LRRC7: variants seen among roughly 807,000 people sequenced by gnomAD.
LRRC7 encodes leucine rich repeat containing 7, also known as leucine-rich repeat-containing protein 7.
In LRRC7, 23 loss-of-function variants were observed where a neutral mutation model predicts 175.7. That is an observed-to-expected ratio of 0.13 (90% CI 0.09 to 0.19). LRRC7 has a LOEUF of 0.19. Among genes scored for constraint, LRRC7 ranks in the 10% least tolerant of loss-of-function variants. LRRC7 has a pLI of 1.00. For synonymous variants in LRRC7, 685 were observed against 680.9 expected, an observed-to-expected ratio of 1.01 and a Z score of -0.09; for missense variants, 1,354 against 1,904.7, an observed-to-expected ratio of 0.71 and a Z score of 5.38.
chr1:69,749,725 G>A (rs1306008306), intron 2 of LRRC7, among the ~76,000 whole-genome samples: 2 of 152,088 alleles, frequency 1.3e-5, no homozygotes, highest in African/African-American at 4.8e-5. Flanking sequence ...ATTCAGTTTT[G>A]GGAGTAGTGT....
rs1199968468 is a variant in LRRC7 at position 69,568,482 on chromosome 1, A to G, written c.-158A>G. The G allele has an allele frequency of 3.7e-5, 18 of 485,964 alleles. No individual in the cohort carries two copies. Among genetic ancestry groups the G allele is most frequent in the Non-Finnish European group, 5.1e-5 (15 of 293,994 alleles). 30.1% of individuals were successfully genotyped at this position (485,964 alleles called of 1,614,324 possible). A position where few individuals can be genotyped will look rare whatever the true frequency, so the allele number is the denominator to read the frequency against. On this transcript the variant is annotated 5_prime_UTR_variant, in exon 1 of 27. Coordinates refer to ENST00000651989, the MANE Select transcript of LRRC7 (RefSeq NM_001370785.2). ...GTGGCACCTTCCTGGATTCCCCTCTATCTCCTGTTCTTCCTACCTTCTACT... is the reference window on the plus strand; with the variant it reads ...GTGGCACCTTCCTGGATTCCCCTCTGTCTCCTGTTCTTCCTACCTTCTACT...
intron 8 of LRRC7, among the ~76,000 whole-genome samples, chr1:69,972,164 A>C (rs2101869497): frequency 6.6e-6 from 1 of 152,384 alleles, no homozygotes; most frequent in African/African-American, 2.4e-5. Flanking sequence ...GGAAACTACA[A>C]AAATTCTAGA....
At chr1:69,961,039 A>C (rs917538889) in intron 8 of LRRC7, among the ~76,000 whole-genome samples, 2 of 152,154 alleles carry the variant, frequency 1.3e-5, no homozygotes, top group Non-Finnish European at 2.9e-5. Flanking sequence ...AGGAAGTCAA[A>C]CTATCCCTGT....
chr1:69,624,175 C>T (rs373208642), intron 1 of LRRC7, among the ~76,000 whole-genome samples: 1 of 152,096 alleles, frequency 6.6e-6, no homozygotes, highest in Non-Finnish European at 1.5e-5. Flanking sequence ...TATATCAGCC[C>T]TAATGCATAA....
chr1:69,922,113 C>T (rs1033770986), intron 7 of LRRC7, among the ~76,000 whole-genome samples: 4 of 151,832 alleles, frequency 2.6e-5, no homozygotes, highest in South Asian at 2.1e-4. Flanking sequence ...TTTAGAGAGA[C>T]GGGGGTTTCA....
At chr1:69,930,534 A>G (rs957434163) in intron 7 of LRRC7, among the ~76,000 whole-genome samples, 1 of 152,190 alleles carries the variant, frequency 6.6e-6, no homozygotes. Context: ...CTCATAGTGT[A>G]TGTTTACTTG....
chr1:69,716,874 C>T (rs1001309606), intron 2 of LRRC7, among the ~76,000 whole-genome samples: 12 of 151,674 alleles, frequency 7.9e-5, no homozygotes, highest in Admixed American at 2.0e-4. Flanking sequence ...CTTTGAAAAT[C>T]TCATTGCTCC....
At chr1:69,795,781 C>A (rs896703178) in intron 4 of LRRC7, among the ~76,000 whole-genome samples, 1 of 152,078 alleles carries the variant, frequency 6.6e-6, no homozygotes, top group African/African-American at 2.4e-5. Flanking sequence ...AATTCTACTG[C>A]CTGTCATCCT....
chr1:69,637,131 T>C (rs1653513485), intron 1 of LRRC7, among the ~76,000 whole-genome samples: 1 of 149,150 alleles, frequency 6.7e-6, no homozygotes, highest in Admixed American at 6.8e-5. Flanking sequence ...ACAGAGTTTA[T>C]ATAAGGTGGG....
intron 11 of LRRC7, among the ~76,000 whole-genome samples, chr1:69,996,386 G>A (rs1435990418): frequency 2.0e-5 from 3 of 152,084 alleles, no homozygotes; most frequent in African/African-American, 4.8e-5. Flanking sequence ...TTCTTTTGCT[G>A]TGCAGAAGCT....
At position 70,137,489 on chromosome 1, in the gene LRRC7, T is replaced by G. The variant is rs989343088; in HGVS notation, c.*15602T>G. On this transcript the variant is annotated 3_prime_UTR_variant, in exon 27 of 27. Coordinates refer to ENST00000651989, the MANE Select transcript of LRRC7 (RefSeq NM_001370785.2). ...TACATCTGGTGGACTTGCATATCTT[T>G]AACACTTATCATGTACCTACATACA... is the stretch of plus-strand genomic sequence containing the variant. Among the ~76,000 whole-genome samples the G allele has an allele frequency of 6.6e-6, 1 of 152,358 alleles. No individual in the cohort carries two copies. The highest frequency in any genetic ancestry group is 2.1e-4 in the South Asian group (1 of 4,830).
chr1:69,838,456 T>G, intron 7 of LRRC7, 173 bp downstream of exon 7: 1 of 562,394 alleles, frequency 1.8e-6, no homozygotes, highest in Non-Finnish European at 3.2e-6. Context: ...CATGAGAATG[T>G]ATTCTGTTTT....
At chr1:69,725,176 G>GA (rs1666809864) in intron 2 of LRRC7, among the ~76,000 whole-genome samples, 1 of 152,080 alleles carries the variant, frequency 6.6e-6, no homozygotes. Context: ...GTAAAGAAGA[G>GA]AAAAATATAT....
chr1:69,589,227 T>C (rs755433979), intron 1 of LRRC7, among the ~76,000 whole-genome samples: 7 of 151,882 alleles, frequency 4.6e-5, no homozygotes, highest in Non-Finnish European at 8.8e-5. Context: ...CCTCTTCCTC[T>C]GCTGTCTCTG....
At chr1:69,823,930 T>C (rs1262670212) in intron 4 of LRRC7, among the ~76,000 whole-genome samples, 1 of 152,168 alleles carries the variant, frequency 6.6e-6, no homozygotes. Context: ...AGAAGGTATA[T>C]AGCTAGGATT....
intron 2 of LRRC7, among the ~76,000 whole-genome samples, chr1:69,680,591 G>T (rs1660351715): frequency 6.6e-6 from 1 of 151,474 alleles, no homozygotes; most frequent in African/African-American, 2.4e-5. Context: ...TTGCATAGAG[G>T]TCTTTATTTT....
intron 2 of LRRC7, among the ~76,000 whole-genome samples, chr1:69,739,954 A>G (rs527520304): frequency 2.0e-5 from 3 of 152,202 alleles, no homozygotes; most frequent in Admixed American, 1.3e-4. Flanking sequence ...TGGTTTTATA[A>G]CTATCCAGTG....
chr1:69,882,221 G>A (rs1164026532), intron 7 of LRRC7, among the ~76,000 whole-genome samples: 1 of 152,084 alleles, frequency 6.6e-6, no homozygotes, highest in African/African-American at 2.4e-5. Context: ...GAAGACTAGA[G>A]ATAACTAGAT....
At chr1:69,646,129 T>A (rs1402367793) in intron 1 of LRRC7, among the ~76,000 whole-genome samples, 1 of 152,116 alleles carries the variant, frequency 6.6e-6, no homozygotes, top group Non-Finnish European at 1.5e-5. Context: ...CTCCCTTTTT[T>A]TCAAACTGAG....
Sources: gnomAD v4.1 joint callset for allele counts (sites outside exome capture counted in the v4.1 genomes callset) on GRCh38, gnomAD v4.1.1 for gene constraint, MANE v1.5 for transcripts, NCBI Gene and HGNC (gene_info 2026-07-23, HGNC 2026-07-21) for gene names.